Variants in DNER observed in about 807,000 individuals in gnomAD.
DNER encodes delta and Notch-like epidermal growth factor-related receptor.
In DNER, 33 loss-of-function variants were observed where a neutral mutation model predicts 78.2. The ratio of observed to expected loss-of-function variants is 0.42; its 90% confidence interval spans 0.32 to 0.56. DNER has a LOEUF of 0.56. Ranked by LOEUF, DNER falls within the 20% of genes least tolerant of loss-of-function variation. DNER has a pLI of 0.11. For missense variants in DNER, 918 were observed against 975.3 expected (o/e 0.94, Z 0.78); for synonymous variants, 417 against 384.8 (o/e 1.08, Z -0.98).
intron 1 of DNER, among the ~76,000 whole-genome samples, chr2:229,622,561 T>C (rs1163458984): frequency 6.6e-6 from 1 of 151,742 alleles, no homozygotes; most frequent in Non-Finnish European, 1.5e-5. Context: ...CGGACTGTGT[T>C]ACAAGCTGAA....
intron 4 of DNER, among the ~76,000 whole-genome samples, chr2:229,573,536 CA>C (rs992998862): frequency 1.5e-4 from 23 of 152,138 alleles, no homozygotes; most frequent in African/African-American, 5.6e-4. Context: ...GATGGGTTTT[CA>C]AAACATTTGC....
chr2:229,403,929 T>G (rs1693325682), intron 10 of DNER, among the ~76,000 whole-genome samples: 1 of 152,142 alleles, frequency 6.6e-6, no homozygotes, highest in South Asian at 2.1e-4. Context: ...GTTAAGGACT[T>G]TGATCTTTTT....
In DNER at chr2:229,439,734, C is replaced by G. The variant is rs534289234; in HGVS notation, c.1486+7582G>C. ...CCATCTGACCCTCCAGGGCCATAAGCTTGATGAGAATGTTCTGATACTGTG... is the reference window on the plus strand; with the variant it reads ...CCATCTGACCCTCCAGGGCCATAAGGTTGATGAGAATGTTCTGATACTGTG... On this transcript the variant is annotated intron_variant, in intron 8 of 12. Transcript: ENST00000341772. Among the ~76,000 whole-genome samples the G allele has an allele frequency of 1.0e-3, 154 of 152,280 alleles. 1 individual carries two copies. The highest frequency in any genetic ancestry group is 3.6e-3 in the African/African-American group (150 of 41,546).
chr2:229,358,353 T>C lies in DNER; in HGVS notation c.*187A>G, dbSNP rs1052143654. ...TGAAGGTACATTAAAACATCGTCTATAGGTTTCACAAATTTTGTTTTTAAA... is the reference window on the plus strand; with the variant it reads ...TGAAGGTACATTAAAACATCGTCTACAGGTTTCACAAATTTTGTTTTTAAA... On this transcript the variant is annotated 3_prime_UTR_variant, in exon 13 of 13. Transcript: ENST00000341772. 10 of 482,388 alleles carry C rather than the reference T, an allele frequency of 2.1e-5. No homozygotes were observed. Among genetic ancestry groups the C allele is most frequent in the African/African-American group, 1.8e-4 (9 of 51,100 alleles). The allele number at this position is 482,388 out of a possible 1,614,324, so 29.9% of individuals were successfully genotyped here.
chr2:229,393,942 T>A (rs1693074779), intron 10 of DNER, among the ~76,000 whole-genome samples: 1 of 152,166 alleles, frequency 6.6e-6, no homozygotes, highest in South Asian at 2.1e-4. Flanking sequence ...GTACTCAGAA[T>A]CCTAGAGAAA....
intron 7 of DNER, among the ~76,000 whole-genome samples, chr2:229,459,885 C>T (rs369845183): frequency 1.3e-5 from 2 of 151,602 alleles, no homozygotes; most frequent in Non-Finnish European, 1.5e-5. Context: ...AGGCCGGGCA[C>T]GGTGGCTCAC....
intron 8 of DNER, among the ~76,000 whole-genome samples, chr2:229,441,249 G>A (rs1366027539): frequency 6.6e-6 from 1 of 151,260 alleles, no homozygotes; most frequent in Non-Finnish European, 1.5e-5. Context: ...CTGAACTATT[G>A]TTCAGAATTT....
chr2:229,430,838 C>A (rs1201145766), intron 8 of DNER, among the ~76,000 whole-genome samples: 1 of 151,760 alleles, frequency 6.6e-6, no homozygotes, highest in African/African-American at 2.4e-5. Context: ...TATGTCTAAC[C>A]CTTGATTGGC....
chr2:229,425,463 A>T (rs995617370), intron 8 of DNER, among the ~76,000 whole-genome samples: 13 of 152,090 alleles, frequency 8.5e-5, no homozygotes, highest in African/African-American at 3.1e-4. Context: ...ATTCCAGCCC[A>T]CAGACCCTGA....
At chr2:229,420,051 G>A (rs1457677879) in intron 8 of DNER, among the ~76,000 whole-genome samples, 1 of 151,478 alleles carries the variant, frequency 6.6e-6, no homozygotes, top group Non-Finnish European at 1.5e-5. Context: ...CTCTGTTCTA[G>A]ACCAGGGGTC....
chr2:229,637,092 C>G (rs1698543286), intron 1 of DNER, among the ~76,000 whole-genome samples: 1 of 152,184 alleles, frequency 6.6e-6, no homozygotes, highest in Admixed American at 6.5e-5. Context: ...TGTTTTCTCA[C>G]CCATCCCACT....
intron 1 of DNER, among the ~76,000 whole-genome samples, chr2:229,601,225 T>C (rs1193915804): frequency 1.3e-5 from 2 of 152,298 alleles, no homozygotes; most frequent in African/African-American, 4.8e-5. Context: ...AATGTTGGGG[T>C]CCAACTGTCA....
chr2:229,441,028 C>T (rs1264258123), intron 8 of DNER, among the ~76,000 whole-genome samples: 2 of 152,232 alleles, frequency 1.3e-5, no homozygotes, highest in East Asian at 3.9e-4. Flanking sequence ...CAAATGTCTG[C>T]AAGTCTTCTT....
chr2:229,596,674 G>T (rs1697719988), intron 1 of DNER, among the ~76,000 whole-genome samples: 1 of 152,216 alleles, frequency 6.6e-6, no homozygotes, highest in Non-Finnish European at 1.5e-5. Context: ...CAGGTAAGGG[G>T]ATAAAGAGCC....
At chr2:229,372,928 G>T (rs757852006) in intron 11 of DNER, among the ~76,000 whole-genome samples, 2 of 152,108 alleles carry the variant, frequency 1.3e-5, no homozygotes, top group Non-Finnish European at 2.9e-5. Flanking sequence ...GGCTTTTATC[G>T]TTGGATGGAT....
At chr2:229,647,914 G>T (rs1375075335) in intron 1 of DNER, among the ~76,000 whole-genome samples, 1 of 152,134 alleles carries the variant, frequency 6.6e-6, no homozygotes, top group African/African-American at 2.4e-5. Flanking sequence ...CTGTGATTCG[G>T]GAGGTTACAA....
chr2:229,457,716 T>C (rs1016685571), intron 7 of DNER, among the ~76,000 whole-genome samples: 13 of 149,900 alleles, frequency 8.7e-5, no homozygotes, highest in Non-Finnish European at 1.5e-4. Context: ...ATCAAGGTTA[T>C]ATTGAATATA....
At chr2:229,366,697 A>C (rs1692354500) in intron 12 of DNER, among the ~76,000 whole-genome samples, 176 bp downstream of exon 12, 1 of 152,244 alleles carries the variant, frequency 6.6e-6, no homozygotes, top group Non-Finnish European at 1.5e-5. Flanking sequence ...GCAGCAAATT[A>C]AAAGGAGTTT....
chr2:229,504,684 T>G (rs1695698973), intron 6 of DNER, among the ~76,000 whole-genome samples: 1 of 152,232 alleles, frequency 6.6e-6, no homozygotes, highest in African/African-American at 2.4e-5. Flanking sequence ...GCTGAAGGGA[T>G]TACATTGTCT....
Sources: allele counts gnomAD v4.1 joint callset (sites outside exome capture counted in the v4.1 genomes callset), GRCh38; gene constraint gnomAD v4.1.1; transcripts MANE v1.5; gene names NCBI Gene and HGNC (gene_info 2026-07-23, HGNC 2026-07-21).